The following RYR3 variants were observed in gnomAD, a reference collection of about 807,000 sequenced individuals.
The protein encoded by RYR3 is brain ryanodine receptor-calcium release channel.
Under a neutral mutation model 584.3 loss-of-function variants are expected in RYR3, and 207 were observed. The ratio of observed to expected loss-of-function variants is 0.35; its 90% CI spans 0.32 to 0.40. The LOEUF (loss-of-function observed/expected upper bound fraction) is 0.40, where lower values mean the gene tolerates loss of function less well. Among genes scored for constraint, RYR3 ranks in the 10% least tolerant of loss-of-function variants. RYR3 has a pLI of 1.00. For synonymous variants in RYR3, 2,416 were observed against 2,248.5 expected (o/e 1.07, Z -2.11); for missense variants, 5,616 against 6,089.2 (o/e 0.92, Z 2.59).
At chr15:33,767,620 C>T (rs553385251) in intron 60 of RYR3, among the ~76,000 whole-genome samples, 1 of 152,310 alleles carries the variant, frequency 6.6e-6, no homozygotes, top group East Asian at 1.9e-4. Context: ...GACTTCTGCC[C>T]TGAATGGGGT....
At chr15:33,824,748 C>A (rs1006744229) in intron 81 of RYR3, among the ~76,000 whole-genome samples, 2 of 152,204 alleles carry the variant, frequency 1.3e-5, no homozygotes, top group Non-Finnish European at 2.9e-5. Context: ...AGAAGGAAAG[C>A]TAAGTTTTGC....
intron 48 of RYR3, among the ~76,000 whole-genome samples, chr15:33,734,308 A>G (rs941529621): frequency 1.3e-5 from 2 of 152,238 alleles, no homozygotes; most frequent in Admixed American, 6.5e-5. Flanking sequence ...GGACACACCA[A>G]TTAACCTCCA....
chr15:33,824,632 A>G (rs989574756), intron 81 of RYR3, among the ~76,000 whole-genome samples: 1 of 152,196 alleles, frequency 6.6e-6, no homozygotes, highest in African/African-American at 2.4e-5. Context: ...ATTTTTACCT[A>G]AATGATGAAA....
intron 11 of RYR3, among the ~76,000 whole-genome samples, chr15:33,565,704 C>T (rs1239595908): frequency 6.6e-6 from 1 of 152,124 alleles, no homozygotes; most frequent in Non-Finnish European, 1.5e-5. Context: ...TTGACCTTGA[C>T]TTGAACCAGG....
At position 33,631,297 on chromosome 15, in the gene RYR3, G is replaced by T. The variant is rs1206941715; in HGVS notation, c.2867+4G>T. On this transcript the variant is annotated splice_donor_region_variant and intron_variant, in intron 23 of 103. Transcript: ENST00000634891. ...AGAAGGTCAAACTGCCCAAAAAGTAGGTGATTTTTTTTTTAATGGTTCAAG... is the reference window on the plus strand; with the variant it reads ...AGAAGGTCAAACTGCCCAAAAAGTATGTGATTTTTTTTTTAATGGTTCAAG... 2 of 1,565,534 alleles carry T rather than the reference G, an allele frequency of 1.3e-6. No individual in the cohort carries two copies. Among genetic ancestry groups the T allele is most frequent in the Non-Finnish European group, 1.7e-6 (2 of 1,151,920 alleles).
chr15:33,557,154 T>C (rs1223889392), intron 10 of RYR3, among the ~76,000 whole-genome samples: 1 of 150,174 alleles, frequency 6.7e-6, no homozygotes, highest in Non-Finnish European at 1.5e-5. Flanking sequence ...TATGTGGCTT[T>C]GAGCAAGTTG....
chr15:33,342,788 T>C (rs1971984657), intron 1 of RYR3, among the ~76,000 whole-genome samples: 1 of 152,164 alleles, frequency 6.6e-6, no homozygotes, highest in Non-Finnish European at 1.5e-5. Flanking sequence ...AGAGAATCAA[T>C]CTCAAAACCA....
intron 70 of RYR3, among the ~76,000 whole-genome samples, chr15:33,808,254 A>G (rs1030677424): frequency 1.3e-5 from 2 of 152,220 alleles, no homozygotes; most frequent in Admixed American, 1.3e-4. Context: ...CTTACTTGCT[A>G]TGTGATCTTG....
At chr15:33,397,187 A>G (rs1272831841) in intron 1 of RYR3, among the ~76,000 whole-genome samples, 1 of 152,226 alleles carries the variant, frequency 6.6e-6, no homozygotes, top group East Asian at 1.9e-4. Flanking sequence ...CTGGGAAAAC[A>G]TACCTCCAGC....
chr15:33,824,250 G>A (rs954067847), intron 81 of RYR3, among the ~76,000 whole-genome samples: 2 of 152,184 alleles, frequency 1.3e-5, no homozygotes, highest in Admixed American at 1.3e-4. Context: ...ACAGCTTGGA[G>A]AGACAGGTGA....
At chr15:33,552,928 A>G (rs1305838731) in intron 10 of RYR3, among the ~76,000 whole-genome samples, 4 of 152,286 alleles carry the variant, frequency 2.6e-5, no homozygotes, top group African/African-American at 9.6e-5. Flanking sequence ...GCTAGTGACA[A>G]TACCCAGCAG....
rs759909362 is a variant in RYR3, at chr15:33,841,949, C to T, written c.13123C>T (p.Arg4375Trp). The T allele has an allele frequency of 7.5e-6, 12 of 1,600,548 alleles. No homozygotes were observed. The highest frequency in any genetic ancestry group is 2.2e-5 in the East Asian group (1 of 44,558). Residue 4375 changes from arginine to tryptophan, a missense_variant, in exon 91 of 104, where the codon CGG becomes TGG. Transcript: ENST00000634891. The part of the protein sequence containing the change: ...LWTEVTKKKK[R>W]RCGQKVEKPE... ...GACAGAAGTGACAAAAAAGAAGAAG[C>T]GGCGGTGTGGTCAGAAGGTTGAGAA...
At chr15:33,334,569 C>T (rs1204490006) in intron 1 of RYR3, among the ~76,000 whole-genome samples, 1 of 152,108 alleles carries the variant, frequency 6.6e-6, no homozygotes, top group Non-Finnish European at 1.5e-5. Context: ...AACCCAAAAA[C>T]TATAAAAACC....
At chr15:33,420,409 T>G (rs575171620) in intron 1 of RYR3, among the ~76,000 whole-genome samples, 36 of 152,198 alleles carry the variant, frequency 2.4e-4, no homozygotes, top group South Asian at 1.2e-3. Flanking sequence ...GTGATGTTAC[T>G]TGTAAGTTGA....
intron 1 of RYR3, among the ~76,000 whole-genome samples, chr15:33,459,961 C>T (rs2047879261): frequency 6.6e-6 from 1 of 152,132 alleles, no homozygotes; most frequent in African/African-American, 2.4e-5. Flanking sequence ...AGGAATCAAG[C>T]AGTCATGCTT....
rs747474248 is a variant in RYR3, at chr15:33,731,538, C to G, written c.7268C>G (p.Pro2423Arg). 1.2e-6 allele frequency: 2 copies of G among 1,613,794 alleles called. No homozygotes were observed. The highest frequency in any genetic ancestry group is 8.5e-7 in the Non-Finnish European group (1 of 1,179,832). Residue 2423 changes from proline (P) to arginine (R), a missense_variant, in exon 48 of 104, where the codon CCG becomes CGG. Physicochemically the swap from Pro to Arg is moderately radical, Grantham distance 103. Transcript: ENST00000634891. ...AGGTATATATGTTCTGCTGTGCTCC[C>G]GCTCCTCACAAGATGTGCCCCTCTC... The part of the protein sequence containing the change: ...LNRYICSAVL[P>R]LLTRCAPLFA...
At chr15:33,794,008 T>A (rs1362485377) in intron 67 of RYR3, among the ~76,000 whole-genome samples, 15 of 62,184 alleles carry the variant, frequency 2.4e-4, no homozygotes, top group African/African-American at 6.1e-4. Context: ...ATAATACACA[T>A]AAATATATAT....
intron 67 of RYR3, among the ~76,000 whole-genome samples, chr15:33,792,176 G>A (rs1326578358): frequency 6.6e-6 from 1 of 152,176 alleles, no homozygotes; most frequent in African/African-American, 2.4e-5. Context: ...AAGGGGAATG[G>A]CTCAGATTAG....
Position 33,462,388 on chromosome 15 carries a change from C to T in RYR3, c.52-11031C>T, listed in dbSNP as rs181810769. Among the ~76,000 whole-genome samples, 349 of 152,154 alleles carry T rather than the reference C, an allele frequency of 2.3e-3. 1 individual carries two copies. Among genetic ancestry groups the T allele is most frequent in the African/African-American group, 7.9e-3 (327 of 41,506 alleles). ...TTCTACAAACATTAAAGGGGAAAAT[C>T]CCAGAAAGCACCCTGTATGAGGCGC... is the stretch of plus-strand genomic sequence containing the variant. On this transcript the variant is annotated intron_variant, in intron 1 of 103. Coordinates refer to ENST00000634891, the MANE Select transcript of RYR3 (RefSeq NM_001036.6).
Sources: gnomAD v4.1 joint callset for allele counts (sites outside exome capture counted in the v4.1 genomes callset) on GRCh38, gnomAD v4.1.1 for gene constraint, MANE v1.5 for transcripts, NCBI Gene and HGNC (gene_info 2026-07-23, HGNC 2026-07-21) for gene names.